The following KIR3DL1 variants were observed in gnomAD, a reference collection of about 807,000 sequenced individuals.
KIR3DL1 encodes the protein killer cell immunoglobulin-like receptor 3DL1.
Under a neutral mutation model 40.3 loss-of-function variants are expected in KIR3DL1, and 50 were observed. That is an observed-to-expected ratio of 1.24 (90% CI 0.99 to 1.57). The LOEUF is 1.57. Ranked by LOEUF, KIR3DL1 falls within the 40% of genes most tolerant of loss-of-function variation. KIR3DL1 has a pLI of 0.00. For missense variants in KIR3DL1, 661 were observed against 559.9 expected (o/e 1.18, Z -1.82); for synonymous variants, 257 against 207.2 (o/e 1.24, Z -2.07).
exon 3 of KIR3DL1, chr19:54,818,518 A>T: frequency 6.2e-7 from 1 of 1,611,510 alleles, no homozygotes; most frequent in South Asian, 1.1e-5. Context: ...ACATGCAGGG[A>T]ACTACACATG....
At chr19:54,830,482 AC>A (rs2062171329) in exon 9 of KIR3DL1, 2 of 640,528 alleles carry the variant, frequency 3.1e-6, no homozygotes, top group Admixed American at 6.3e-5. Context: ...AAGAAAACAC[AC>A]TCCTTTGCTT....
At chr19:54,818,681 C>T (rs373687137) in intron 3 of KIR3DL1, 82 bp downstream of exon 3, 13 of 1,529,358 alleles carry the variant, frequency 8.5e-6, no homozygotes, top group Middle Eastern at 2.3e-4. Flanking sequence ...GTCAGGGTCC[C>T]ATCACCCAGG....
At chr19:54,826,638 T>G in intron 6 of KIR3DL1, among the ~76,000 whole-genome samples, 1 of 148,588 alleles carries the variant, frequency 6.7e-6, no homozygotes, top group Non-Finnish European at 1.5e-5. Context: ...AAATAAATAA[T>G]AGATAATGCT....
At chr19:54,818,718 G>T in intron 3 of KIR3DL1, 119 bp downstream of exon 3, 1 of 1,342,786 alleles carries the variant, frequency 7.4e-7, no homozygotes, top group Non-Finnish European at 1.0e-6. Flanking sequence ...GGTCAAGGGA[G>T]ATTGAATACA....
In KIR3DL1 at chr19:54,818,492, G is replaced by C. The variant is rs2061466483; in HGVS notation, c.248G>C (p.Ser83Thr). ...ATATTCCAGGAGAGCTTCAACATGA[G>C]CCCTGTGACCACAGCACATGCAGGG... The change falls in exon 3 of 9, where the codon AGC becomes ACC. Residue 83 changes from serine to threonine, a missense_variant. By Grantham distance (58) the Ser-to-Thr change is moderately conservative. This residue lies in a region of KIR3DL1 where 548 missense variants were observed against 413.3 expected (regional missense o/e 1.33). Transcript: ENST00000391728. 3.1e-6 allele frequency: 5 copies of C among 1,610,812 alleles called. No homozygotes were observed. The African/African-American group carries it at 5.4e-5, about 17-fold the overall frequency.
At position 54,821,686 on chromosome 19, in the gene KIR3DL1, G is replaced by A. The variant is rs748348047; in HGVS notation, c.777G>A (p.Gly259=). 3.2e-5 allele frequency: 51 copies of A among 1,609,644 alleles called. 1 individual carries two copies. The highest frequency in any genetic ancestry group is 4.0e-5 in the Non-Finnish European group (47 of 1,177,988). ...ACATGTACCATCTATCCAGGGAGGGGGGAGCCCATGAACGTAGGCTCCCTG... is the reference window on the plus strand; with the variant it reads ...ACATGTACCATCTATCCAGGGAGGGAGGAGCCCATGAACGTAGGCTCCCTG... Residue 259 remains glycine, a synonymous_variant, in exon 5 of 9, where the codon GGG becomes GGA. Coordinates refer to ENST00000391728, the Ensembl canonical transcript of KIR3DL1.
At chr19:54,817,488 C>G (rs796880649) in intron 1 of KIR3DL1, 46 bp from the exon 2 acceptor site, 1 of 1,435,238 alleles carries the variant, frequency 7.0e-7, no homozygotes, top group Admixed American at 1.7e-5. Flanking sequence ...GCAGGGTGCC[C>G]TGGTTTGCCT....
intron 6 of KIR3DL1, among the ~76,000 whole-genome samples, chr19:54,827,291 A>G (rs1007176954): frequency 1.3e-5 from 2 of 151,304 alleles, no homozygotes; most frequent in African/African-American, 4.9e-5. Flanking sequence ...GAAGGGACCT[A>G]TTATAGCATA....
At chr19:54,829,712 C>G (rs9676587) in intron 7 of KIR3DL1, among the ~76,000 whole-genome samples, 42,823 of 135,212 alleles carry the variant, frequency 0.32, 9,147 homozygotes, top group East Asian at 0.61. Context: ...GGTTCCATGA[C>G]AGGCAGAAAG....
intron 2 of KIR3DL1, among the ~76,000 whole-genome samples, chr19:54,817,852 G>A (rs2061427684): frequency 6.8e-6 from 1 of 148,012 alleles, no homozygotes; most frequent in East Asian, 2.0e-4. Flanking sequence ...GGAACAGCAG[G>A]TCCTCTGAGG....
At chr19:54,830,253 C>G in exon 9 of KIR3DL1, 1 of 1,523,384 alleles carries the variant, frequency 6.6e-7, no homozygotes. Flanking sequence ...AAGCCCAGAT[C>G]CAAAGTTGTC....
chr19:54,818,249 T>C, intron 2 of KIR3DL1, 66 bp from the exon 3 acceptor site: 2 of 1,536,522 alleles, frequency 1.3e-6, no homozygotes, highest in South Asian at 2.3e-5. Flanking sequence ...GAGAATCTTC[T>C]GGGCACTGGG....
At chr19:54,827,472 C>T (rs1279031986) in intron 6 of KIR3DL1, among the ~76,000 whole-genome samples, 1 of 150,246 alleles carries the variant, frequency 6.7e-6, no homozygotes, top group Non-Finnish European at 1.5e-5. Context: ...ATTAGCCGAG[C>T]ATGGTGGTGC....
chr19:54,816,674 G>A (rs2061346190), intron 1 of KIR3DL1, 140 bp downstream of exon 1: 2 of 1,371,520 alleles, frequency 1.5e-6, no homozygotes, highest in African/African-American at 1.6e-5. Flanking sequence ...GCCTGGAGTG[G>A]AGATCTGGGC....
chr19:54,829,284 C>A, intron 6 of KIR3DL1, 77 bp from the exon 7 acceptor site: 2 of 1,125,400 alleles, frequency 1.8e-6, no homozygotes, highest in Non-Finnish European at 2.5e-6. Context: ...GGTTACCTGT[C>A]AATCAAGAAA....
At chr19:54,823,355 G>C (rs1009400993) in intron 5 of KIR3DL1, among the ~76,000 whole-genome samples, 26 of 151,262 alleles carry the variant, frequency 1.7e-4, no homozygotes, top group African/African-American at 6.1e-4. Flanking sequence ...GTTTTTTAAA[G>C]AATTTCCATA....
At chr19:54,827,162 G>C (rs1240317243) in intron 6 of KIR3DL1, among the ~76,000 whole-genome samples, 5 of 151,140 alleles carry the variant, frequency 3.3e-5, no homozygotes. Flanking sequence ...GGCTTGCTGG[G>C]TTTGAGTTTC....
intron 4 of KIR3DL1, 96 bp downstream of exon 4, chr19:54,820,108 T>TGGG: frequency 7.5e-7 from 1 of 1,334,738 alleles, no homozygotes; most frequent in Non-Finnish European, 1.0e-6. Context: ...AAGATAAGTG[T>TGGG]GGGATTCTTA....
intron 6 of KIR3DL1, among the ~76,000 whole-genome samples, chr19:54,828,123 CAT>C (rs2062004506): frequency 6.6e-6 from 1 of 150,846 alleles, no homozygotes. Context: ...AGCAGCCTAA[CAT>C]GTGTCTCCCG....
Sources: allele counts gnomAD v4.1 joint callset (sites outside exome capture counted in the v4.1 genomes callset), GRCh38; gene constraint gnomAD v4.1.1; regional missense constraint gnomAD v4.1.1; transcripts MANE v1.5; gene names NCBI Gene and HGNC (gene_info 2026-07-23, HGNC 2026-07-21).